The following CA13 variants were observed in gnomAD, a reference collection of about 807,000 sequenced individuals.
CA13 encodes the protein carbonic anhydrase 13.
A neutral mutation model predicts 31.5 loss-of-function variants in CA13; 21 were observed. The ratio of observed to expected loss-of-function variants is 0.67; its 90% CI spans 0.47 to 0.96. The LOEUF is 0.96. Among genes scored for constraint, CA13 ranks in the 40% least tolerant of loss-of-function variants. CA13 has a pLI of 0.00. For synonymous variants in CA13, 117 were observed against 111.4 expected (o/e 1.05, Z -0.32); for missense variants, 315 against 318.9 (o/e 0.99, Z 0.09).
rs1232513956 is a variant in CA13, at chr8:85,283,898, G to GT, written c.*2552dup. 1 of 152,162 alleles carries GT rather than the reference G, an allele frequency of 6.6e-6. No homozygotes were observed. Among genetic ancestry groups the GT allele is most frequent in the African/African-American group, 2.4e-5 (1 of 41,442 alleles). The allele number at this position is 152,162 out of a possible 1,614,324, so 9.4% of individuals were successfully genotyped here. ...TTGATATATCTTCTAGAGGCAAAAGGTTTAAATGTGTTAAAATGGTTATAT... is the reference window on the plus strand; with the variant it reads ...TTGATATATCTTCTAGAGGCAAAAGGTTTTAAATGTGTTAAAATGGTTATAT... On this transcript the variant is annotated 3_prime_UTR_variant, in exon 7 of 7. Coordinates refer to ENST00000321764, the MANE Select transcript of CA13 (RefSeq NM_198584.3).
chr8:85,259,334 T>C, intron 2 of CA13, 87 bp from the exon 3 acceptor site: 1 of 1,015,106 alleles, frequency 9.9e-7, no homozygotes, highest in Non-Finnish European at 1.5e-6. Context: ...CATGGATGTA[T>C]GGAGTAATTC....
In CA13 at chr8:85,284,061, T is replaced by C. The variant is rs1180619744; in HGVS notation, c.*2712T>C. ...TTGGATTCAACCACAATAAAGAAAA[T>C]GAGAAAAGCTTTCAACTGTGTCAGG... On this transcript the variant is annotated 3_prime_UTR_variant, in exon 7 of 7. Coordinates refer to ENST00000321764, the MANE Select transcript of CA13 (RefSeq NM_198584.3). 1.3e-5 allele frequency: 2 copies of C among 151,982 alleles called. No individual in the cohort carries two copies. Among genetic ancestry groups the C allele is most frequent in the Non-Finnish European group, 2.9e-5 (2 of 68,000 alleles). The allele number at this position is 151,982 out of a possible 1,614,324, so 9.4% of individuals were successfully genotyped here.
chr8:85,281,038 G>A (rs575284883), intron 6 of CA13, among the ~76,000 whole-genome samples, 192 bp from the exon 7 acceptor site: 1 of 152,186 alleles, frequency 6.6e-6, no homozygotes, highest in East Asian at 1.9e-4. Flanking sequence ...ATTTAATTTT[G>A]GAACCTGTAG....
At chr8:85,261,204 A>G (rs1807371678) in intron 3 of CA13, among the ~76,000 whole-genome samples, 2 of 152,196 alleles carry the variant, frequency 1.3e-5, no homozygotes, top group Middle Eastern at 3.2e-3. Flanking sequence ...AAAAATTTAT[A>G]ATGCAAATTT....
At chr8:85,262,593 T>G (rs1039603917) in intron 3 of CA13, among the ~76,000 whole-genome samples, 3 of 151,994 alleles carry the variant, frequency 2.0e-5, no homozygotes, top group Non-Finnish European at 4.4e-5. Context: ...CCTGGTAAGG[T>G]TTATGAAGGT....
intron 2 of CA13, among the ~76,000 whole-genome samples, chr8:85,253,316 G>A (rs1431894620): frequency 6.6e-6 from 1 of 151,810 alleles, no homozygotes; most frequent in Non-Finnish European, 1.5e-5. Context: ...CTAGGCTGGA[G>A]TGCAGTGGTG....
chr8:85,267,160 A>C, intron 4 of CA13: 1 of 714,142 alleles, frequency 1.4e-6, no homozygotes, highest in Non-Finnish European at 1.7e-6. Flanking sequence ...AATTATTGTC[A>C]TCATACCTGG....
Position 85,259,507 on chromosome 8 carries a change from C to T in CA13, c.322C>T (p.His108Tyr). The change falls in exon 3 of 7, where the codon CAC becomes TAC. Residue 108 changes from histidine (H) to tyrosine (Y), a missense_variant. Transcript: ENST00000321764. ...WGSADDHGSEHIVDGVSYAAE... is the reference protein window; with the variant it reads ...WGSADDHGSEYIVDGVSYAAE... ...GTCCGCTGATGACCACGGCTCCGAG[C>T]ACATAGTAGATGGAGTGAGCTATGC... 1 of 1,614,046 alleles carries T rather than the reference C, an allele frequency of 6.2e-7. No individual in the cohort carries two copies. Among genetic ancestry groups the T allele is most frequent in the Non-Finnish European group, 8.5e-7 (1 of 1,179,926 alleles).
At chr8:85,245,923 C>T in intron 1 of CA13, 58 bp downstream of exon 1, 1 of 1,600,500 alleles carries the variant, frequency 6.2e-7, no homozygotes, top group South Asian at 1.1e-5. Context: ...AGGACTAGCG[C>T]GACGCCCCGG....
chr8:85,268,585 A>C lies in CA13; in HGVS notation c.627A>C (p.Thr209=). The C allele has an allele frequency of 6.2e-7, 1 of 1,613,826 alleles. No individual in the cohort carries two copies. The change falls in exon 6 of 7, where the codon ACA becomes ACC. Residue 209 remains threonine, a synonymous_variant. Coordinates refer to ENST00000321764, the MANE Select transcript of CA13 (RefSeq NM_198584.3). ...LTVPPLLESV[T]WIVLKQPINI... ...TTCCACCTCTTCTTGAGAGTGTCAC[A>C]TGGATTGTTTTAAAGCAACCTATAA...
chr8:85,246,407 A>T, intron 1 of CA13: 1 of 456,038 alleles, frequency 2.2e-6, no homozygotes, highest in Non-Finnish European at 4.4e-6. Flanking sequence ...TGTTACTGTA[A>T]ATATTCCCAC....
rs1237797200 is a variant in CA13 at position 85,283,138 on chromosome 8, G to A, written c.*1789G>A. ...TGGGTTTTGCAATGTTGGCCAGGCT[G>A]GTCTCAAACTCCTGACCTCAAGTGA... On this transcript the variant is annotated 3_prime_UTR_variant, in exon 7 of 7. Transcript: ENST00000321764. 6.6e-6 allele frequency: 1 copy of A among 152,066 alleles called. No homozygotes were observed. Among genetic ancestry groups the A allele is most frequent in the East Asian group, 1.9e-4 (1 of 5,198 alleles). The allele number at this position is 152,066 out of a possible 1,614,324, so 9.4% of individuals were successfully genotyped here.
chr8:85,272,206 T>G lies in CA13; in HGVS notation c.669+3579T>G, dbSNP rs1221507525. ...ATTTAAATGAGTCATACAGTAGATT[T>G]TTGTGTTTGAGTTCTTTTAATGGTA... On this transcript the variant is annotated intron_variant, in intron 6 of 6. Coordinates refer to ENST00000321764, the MANE Select transcript of CA13 (RefSeq NM_198584.3). Among the ~76,000 whole-genome samples, 3 of 152,264 alleles carry G rather than the reference T, an allele frequency of 2.0e-5. No homozygotes were observed. In the South Asian group the frequency reaches 6.2e-4, roughly 32 times the overall value.
In CA13 at chr8:85,248,032, A is replaced by C. The variant is rs190777916; in HGVS notation, c.37+2167A>C. Among the ~76,000 whole-genome samples, 167 of 152,370 alleles carry C rather than the reference A, an allele frequency of 1.1e-3. 3 individuals carry two copies. Among genetic ancestry groups the C allele is most frequent in the Admixed American group, 0.011 (163 of 15,310 alleles). On this transcript the variant is annotated intron_variant, in intron 1 of 6. Coordinates refer to ENST00000321764, the MANE Select transcript of CA13 (RefSeq NM_198584.3). ...AGGGTACTGCCTTCACAAATAACTT[A>C]GGATTCTTCCCCTAACCTTTGACTA...
At position 85,281,522 on chromosome 8, in the gene CA13, T is replaced by C. The variant is rs989528686; in HGVS notation, c.*173T>C. 1 of 1,270,730 alleles carries C rather than the reference T, an allele frequency of 7.9e-7. No homozygotes were observed. Among genetic ancestry groups the C allele is most frequent in the African/African-American group, 1.5e-5 (1 of 65,620 alleles). The allele number at this position is 1,270,730 out of a possible 1,614,324, so 78.7% of individuals were successfully genotyped here. The stretch of plus-strand genomic sequence containing the variant: ...CAGATCTCTCTCTCTTTTTTTTTTA[T>C]TTTTTTTAGTGATAGAGTCTCACTC... On this transcript the variant is annotated 3_prime_UTR_variant, in exon 7 of 7. Transcript: ENST00000321764.
intron 6 of CA13, among the ~76,000 whole-genome samples, chr8:85,273,280 A>G (rs1488399991): frequency 2.0e-5 from 3 of 152,066 alleles, no homozygotes; most frequent in Non-Finnish European, 4.4e-5. Flanking sequence ...TTTAATTTGC[A>G]TTTATCTAGT....
intron 6 of CA13, among the ~76,000 whole-genome samples, chr8:85,279,515 C>T (rs1025756552): frequency 5.3e-5 from 8 of 152,140 alleles, no homozygotes; most frequent in African/African-American, 1.9e-4. Context: ...ACAGGCTGGT[C>T]GGAGAAAGAG....
intron 6 of CA13, among the ~76,000 whole-genome samples, chr8:85,274,538 T>C (rs1000203349): frequency 6.6e-6 from 1 of 152,234 alleles, no homozygotes. Flanking sequence ...GAACCGCTTT[T>C]CCGTTATCGT....
At chr8:85,277,642 G>C (rs953415463) in intron 6 of CA13, among the ~76,000 whole-genome samples, 2 of 152,150 alleles carry the variant, frequency 1.3e-5, no homozygotes, top group Admixed American at 6.5e-5. Context: ...GTATCACTTC[G>C]AACCCTGAGA....
Sources: allele counts gnomAD v4.1 joint callset (sites outside exome capture counted in the v4.1 genomes callset), GRCh38; gene constraint gnomAD v4.1.1; transcripts MANE v1.5; gene names NCBI Gene and HGNC (gene_info 2026-07-23, HGNC 2026-07-21).